The following VTI1A variants were observed in gnomAD, a reference collection of about 807,000 sequenced individuals.
The protein encoded by VTI1A is vesicle transport through interaction with t-SNAREs 1A, also known as vesicle transport through interaction with t-SNAREs homolog 1A.
A neutral mutation model predicts 34.9 loss-of-function variants in VTI1A; 22 were observed. That is an observed-to-expected ratio of 0.63 (90% CI 0.45 to 0.90). The LOEUF (loss-of-function observed/expected upper bound fraction) is 0.90. Among genes scored for constraint, VTI1A ranks in the 40% least tolerant of loss-of-function variants. VTI1A has a pLI of 0.00. For synonymous variants in VTI1A, 87 were observed against 97.3 expected, an observed-to-expected ratio of 0.89 and a Z score of 0.62; for missense variants, 268 against 275.6, an observed-to-expected ratio of 0.97 and a Z score of 0.20.
intron 5 of VTI1A, among the ~76,000 whole-genome samples, chr10:112,622,525 G>A (rs191278650): frequency 2.6e-5 from 4 of 151,092 alleles, no homozygotes; most frequent in South Asian, 2.1e-4. Context: ...AGTCACATAC[G>A]TATTTCTTTA....
chr10:112,514,538 A>T (rs1187298432), intron 3 of VTI1A, among the ~76,000 whole-genome samples: 1 of 151,184 alleles, frequency 6.6e-6, no homozygotes, highest in Admixed American at 6.6e-5. Flanking sequence ...TTCTTCTGCT[A>T]ACTTTGCGCT....
At chr10:112,590,165 G>A (rs1844333576) in intron 5 of VTI1A, among the ~76,000 whole-genome samples, 1 of 152,108 alleles carries the variant, frequency 6.6e-6, no homozygotes, top group South Asian at 2.1e-4. Context: ...AGGACCTAGA[G>A]GTGGAAGTTG....
At chr10:112,726,784 C>G (rs545340283) in intron 7 of VTI1A, among the ~76,000 whole-genome samples, 1 of 152,206 alleles carries the variant, frequency 6.6e-6, no homozygotes, top group African/African-American at 2.4e-5. Context: ...AGACTAGATC[C>G]TGATGTGCAC....
chr10:112,467,612 A>G (rs17129814), intron 3 of VTI1A, among the ~76,000 whole-genome samples: 9,721 of 152,332 alleles, frequency 0.064, 334 homozygotes, highest in Middle Eastern at 0.099. Flanking sequence ...CAATTCATGT[A>G]TTTATATGTA....
intron 7 of VTI1A, among the ~76,000 whole-genome samples, chr10:112,675,877 A>G (rs928473816): frequency 6.6e-6 from 1 of 152,192 alleles, no homozygotes; most frequent in Non-Finnish European, 1.5e-5. Flanking sequence ...ACCTTTGGCA[A>G]GAATCTCACC....
chr10:112,831,423 A>C, the VTI1A span: 1 of 152,184 alleles, frequency 6.6e-6, no homozygotes, highest in Non-Finnish European at 1.5e-5. Context: ...GGTGCTTCTC[A>C]AGTGTTTGTG....
At chr10:112,600,417 A>G (rs1844835532) in intron 5 of VTI1A, among the ~76,000 whole-genome samples, 1 of 152,068 alleles carries the variant, frequency 6.6e-6, no homozygotes. Context: ...CTTATCCTCC[A>G]ACCGTAATTT....
chr10:112,662,944 C>A (rs1346863722), intron 5 of VTI1A, among the ~76,000 whole-genome samples: 1 of 148,494 alleles, frequency 6.7e-6, no homozygotes, highest in African/African-American at 2.6e-5. Context: ...AACAAACAAA[C>A]AAACAAAACA....
At chr10:112,753,565 T>G (rs1851178193) in intron 7 of VTI1A, among the ~76,000 whole-genome samples, 1 of 152,168 alleles carries the variant, frequency 6.6e-6, no homozygotes, top group Non-Finnish European at 1.5e-5. Context: ...TGCAAAGAAT[T>G]TTTTCCATCA....
chr10:112,661,763 A>C (rs1308485612), intron 5 of VTI1A, among the ~76,000 whole-genome samples: 9 of 132,900 alleles, frequency 6.8e-5, no homozygotes, highest in Non-Finnish European at 1.1e-4. Flanking sequence ...TCTGCTGTTA[A>C]GTTTTTTTTT....
intron 7 of VTI1A, among the ~76,000 whole-genome samples, chr10:112,775,195 T>A (rs905996034): frequency 2.6e-5 from 4 of 152,214 alleles, no homozygotes; most frequent in African/African-American, 7.2e-5. Flanking sequence ...TTACACATTC[T>A]ATACCAGCAT....
chr10:112,701,000 A>G (rs941023145), intron 7 of VTI1A, among the ~76,000 whole-genome samples: 4 of 152,252 alleles, frequency 2.6e-5, no homozygotes, highest in African/African-American at 9.6e-5. Context: ...TAGGTTGCAA[A>G]GAGAGTTAAT....
chr10:112,533,284 A>C (rs1850509455), intron 4 of VTI1A, among the ~76,000 whole-genome samples: 1 of 152,050 alleles, frequency 6.6e-6, no homozygotes, highest in Non-Finnish European at 1.5e-5. Context: ...ATGTACTTTA[A>C]AAGAGAATTT....
At chr10:112,829,301 G>A in the VTI1A span, among the ~76,000 whole-genome samples, 10 of 152,058 alleles carry the variant, frequency 6.6e-5, no homozygotes, top group Admixed American at 6.6e-4. Context: ...AAAATTAGCC[G>A]AGCGTGGTGG....
At chr10:112,758,204 G>T (rs893878640) in intron 7 of VTI1A, among the ~76,000 whole-genome samples, 6 of 152,076 alleles carry the variant, frequency 3.9e-5, no homozygotes, top group Non-Finnish European at 1.5e-5. Context: ...AGAGGAGGGG[G>T]GTCTTGCACA....
chr10:112,651,223 G>A (rs956049556), intron 5 of VTI1A, among the ~76,000 whole-genome samples: 14 of 152,186 alleles, frequency 9.2e-5, no homozygotes, highest in Non-Finnish European at 5.9e-5. Flanking sequence ...GTTTTTACAT[G>A]ATATTTTAAA....
chr10:112,822,877 C>T (rs1336015510), downstream of VTI1A, among the ~76,000 whole-genome samples: 1 of 152,124 alleles, frequency 6.6e-6, no homozygotes, highest in Non-Finnish European at 1.5e-5. Flanking sequence ...ATGTTCCAGG[C>T]CCCGAAGACA....
intron 5 of VTI1A, among the ~76,000 whole-genome samples, chr10:112,634,726 T>A (rs1261179117): frequency 6.6e-6 from 1 of 152,184 alleles, no homozygotes; most frequent in Non-Finnish European, 1.5e-5. Flanking sequence ...AATTATCTTT[T>A]TTGACTCTCA....
intron 3 of VTI1A, among the ~76,000 whole-genome samples, chr10:112,522,764 A>G (rs1850073526): frequency 6.6e-6 from 1 of 152,052 alleles, no homozygotes; most frequent in African/African-American, 2.4e-5. Flanking sequence ...AGGTGTGGGA[A>G]CTAGCTGATT....
Sources: gnomAD v4.1 joint callset for allele counts (sites outside exome capture counted in the v4.1 genomes callset) on GRCh38, gnomAD v4.1.1 for gene constraint, MANE v1.5 for transcripts, NCBI Gene and HGNC (gene_info 2026-07-23, HGNC 2026-07-21) for gene names.